The following NYX variants were observed in gnomAD, a reference collection of about 807,000 sequenced individuals.
NYX encodes leucine-rich repeat protein.
For missense variants in NYX, 481 were observed against 485.4 expected (o/e 0.99, Z 0.09); for synonymous variants, 258 against 245.7 (o/e 1.05, Z -0.47).
chrX:41,454,139 T>C (rs1033390864), intron 2 of NYX, among the ~76,000 whole-genome samples: 23 of 111,835 alleles, frequency 2.1e-4, no homozygotes, highest in African/African-American at 6.5e-4. Context: ...GTAATTGATC[T>C]GATGTATGGC....
intron 2 of NYX, among the ~76,000 whole-genome samples, chrX:41,466,881 C>T (rs924050312): frequency 1.0e-5 from 1 of 96,761 alleles, no homozygotes; most frequent in Admixed American, 1.2e-4. Flanking sequence ...CTGCAACCTC[C>T]GCCTCACGAG....
rs2064378076 is a variant in NYX at position 41,474,222 on chromosome X, C to G, written c.754C>G (p.Arg252Gly). The G allele has an allele frequency of 8.4e-7, 1 of 1,194,534 alleles. No homozygotes were observed. The highest frequency in any genetic ancestry group is 1.1e-6 in the Non-Finnish European group (1 of 891,528). The change falls in exon 3 of 3, where the codon CGC becomes GGC. Residue 252 changes from arginine (R) to glycine (G), a missense_variant. By Grantham distance (125) the Arg-to-Gly change is moderately radical. Coordinates refer to ENST00000378220, the MANE Select transcript of NYX (RefSeq NM_001378477.3). The part of the protein sequence containing the change: ...ADAFRGLRRL[R>G]TLNLGGNALD... ...CGCCTTCCGCGGCCTGCGGCGCCTG[C>G]GCACGCTCAACCTGGGTGGCAACGC...
At chrX:41,472,704 C>A in intron 2 of NYX, 1 of 351,738 alleles carries the variant, frequency 2.8e-6, no homozygotes, top group Non-Finnish European at 5.0e-6. Flanking sequence ...TCCGCCGGCA[C>A]CCCGCAGTAG....
chrX:41,453,444 T>TTTC (rs776736272), intron 2 of NYX, among the ~76,000 whole-genome samples: 1 of 109,149 alleles, frequency 9.2e-6, no homozygotes. Context: ...ACTATCTTAT[T>TTTC]TTCTTCTTCT....
chrX:41,450,039 G>A (rs2064273140), intron 2 of NYX, among the ~76,000 whole-genome samples: 1 of 111,090 alleles, frequency 9.0e-6, no homozygotes, highest in African/African-American at 3.3e-5. Context: ...GCTCGCAGCA[G>A]GGAAATTTGG....
chrX:41,471,817 G>GTA (rs201816262), intron 2 of NYX, among the ~76,000 whole-genome samples: 6 of 59,961 alleles, frequency 1.0e-4, no homozygotes, highest in Admixed American at 2.4e-4. Flanking sequence ...GGGCACTGGT[G>GTA]TATATATATA....
chrX:41,460,555 A>G (rs1292674486), intron 2 of NYX, among the ~76,000 whole-genome samples: 1 of 112,077 alleles, frequency 8.9e-6, no homozygotes, highest in African/African-American at 3.2e-5. Flanking sequence ...TTGCTGGCAA[A>G]GTGAAAGCAA....
At chrX:41,454,486 G>T (rs1213502079) in intron 2 of NYX, among the ~76,000 whole-genome samples, 2 of 110,870 alleles carry the variant, frequency 1.8e-5, no homozygotes, top group Non-Finnish European at 3.8e-5. Flanking sequence ...ATAATTTTTT[G>T]TATTTTCAGT....
intron 2 of NYX, among the ~76,000 whole-genome samples, chrX:41,455,398 C>T (rs1004500164): frequency 4.5e-5 from 5 of 110,311 alleles, no homozygotes; most frequent in South Asian, 3.8e-4. Flanking sequence ...TGAGTCACTG[C>T]GCCCAGCCTG....
At chrX:41,464,663 G>T (rs1045941994) in intron 2 of NYX, among the ~76,000 whole-genome samples, 1 of 94,809 alleles carries the variant, frequency 1.1e-5, no homozygotes, top group Admixed American at 1.2e-4. Flanking sequence ...GGCTATGATG[G>T]GCCGTGCGTG....
At chrX:41,447,699 G>T (rs2064263148) in intron 1 of NYX, 150 bp from the exon 2 acceptor site, 1 of 468,156 alleles carries the variant, frequency 2.1e-6, no homozygotes, top group South Asian at 3.1e-5. Flanking sequence ...TGTTGTTACT[G>T]GTTTCCCTTA....
chrX:41,474,561 G>T lies in NYX; in HGVS notation c.1093G>T (p.Gly365Cys). 8.4e-7 allele frequency: 1 copy of T among 1,196,820 alleles called. No individual in the cohort carries two copies. Among genetic ancestry groups the T allele is most frequent in the Non-Finnish European group, 1.1e-6 (1 of 889,074 alleles). ...VPCASPGSVA[G>C]LDLSQVTFGR... ...GTGCGCCTCCCCGGGCTCCGTGGCC[G>T]GCCTGGACCTCAGCCAGGTGACCTT... The change falls in exon 3 of 3, where the codon GGC becomes TGC. Residue 365 changes from glycine to cysteine, a missense_variant. Gly to Cys is a radical substitution (Grantham distance 159). Coordinates refer to ENST00000378220, the MANE Select transcript of NYX (RefSeq NM_001378477.3).
chrX:41,465,190 GT>G lies in NYX; in HGVS notation c.23-8291del, dbSNP rs34219990. On this transcript the variant is annotated intron_variant, in intron 2 of 2. Transcript: ENST00000378220. Reference sequence around the variant, plus strand: ...TGGGCTGTCTGAATCTGCTTCTGCTGTTTTTTTTTTCCTTCTTGACAAGTGT... The same window carrying G: ...TGGGCTGTCTGAATCTGCTTCTGCTGTTTTTTTTTCCTTCTTGACAAGTGT... Among the ~76,000 whole-genome samples, 8 of 104,895 alleles carry G rather than the reference GT, an allele frequency of 7.6e-5. No homozygotes were observed. The East Asian group carries it at 2.1e-3, about 28-fold the overall frequency. 91.1% of individuals were successfully genotyped at this position (104,895 alleles called of 115,157 possible).
intron 2 of NYX, among the ~76,000 whole-genome samples, chrX:41,464,209 G>A (rs2064330594): frequency 9.3e-6 from 1 of 107,198 alleles, no homozygotes; most frequent in Admixed American, 1.0e-4. Context: ...TCAGTGGCAT[G>A]ATCTCCACTT....
chrX:41,463,851 G>A (rs2064329125), intron 2 of NYX, among the ~76,000 whole-genome samples: 1 of 111,556 alleles, frequency 9.0e-6, no homozygotes, highest in Non-Finnish European at 1.9e-5. Flanking sequence ...GATTACAGGG[G>A]TGAGCCACCG....
At chrX:41,473,420 CT>C in intron 2 of NYX, 70 bp from the exon 3 acceptor site, 1 of 901,925 alleles carries the variant, frequency 1.1e-6, no homozygotes, top group Non-Finnish European at 1.4e-6. Context: ...CTGGGGTGAC[CT>C]TTGGCTGACG....
At chrX:41,448,926 C>G (rs758690028) in intron 2 of NYX, among the ~76,000 whole-genome samples, 2 of 111,275 alleles carry the variant, frequency 1.8e-5, no homozygotes, top group South Asian at 7.5e-4. Flanking sequence ...TTTAAAAAAC[C>G]ACCTTCCTAA....
intron 1 of NYX, 102 bp from the exon 2 acceptor site, chrX:41,447,747 G>T: frequency 1.7e-6 from 1 of 586,059 alleles, no homozygotes; most frequent in East Asian, 3.6e-5. Flanking sequence ...AGGAATGTGA[G>T]GAAGAAAGAA....
At chrX:41,460,876 A>ATTCT (rs1335308569) in intron 2 of NYX, among the ~76,000 whole-genome samples, 396 of 24,775 alleles carry the variant, frequency 0.016, 40 homozygotes, top group Middle Eastern at 0.031. Flanking sequence ...CACAGTATGT[A>ATTCT]TTTTTTTTTT....
Sources: allele counts gnomAD v4.1 joint callset (sites outside exome capture counted in the v4.1 genomes callset), GRCh38; gene constraint gnomAD v4.1.1; transcripts MANE v1.5; gene names NCBI Gene and HGNC (gene_info 2026-07-23, HGNC 2026-07-21).